COL11A1: variants seen among roughly 807,000 people sequenced by gnomAD.
COL11A1 encodes collagen type XI alpha 1 chain, also known as collagen alpha-1(XI) chain.
Under a neutral mutation model 265.2 loss-of-function variants are expected in COL11A1, and 74 were observed. The observed-to-expected ratio is 0.28, with a 90% CI of 0.23 to 0.34. The LOEUF (loss-of-function observed/expected upper bound fraction) is 0.34, where lower values mean the gene tolerates loss of function less well. Among genes scored for constraint, COL11A1 ranks in the 10% least tolerant of loss-of-function variants. COL11A1 has a pLI of 1.00. For synonymous variants in COL11A1, 816 were observed against 727.6 expected (o/e 1.12, Z -1.96); for missense variants, 2,165 against 2,263.6 (o/e 0.96, Z 0.88).
chr1:102,880,747 T>C (rs921451858), intron 65 of COL11A1, among the ~76,000 whole-genome samples: 1 of 152,058 alleles, frequency 6.6e-6, no homozygotes, highest in Non-Finnish European at 1.5e-5. Context: ...GTAAAGGCAG[T>C]TATTTGTTAC....
At chr1:102,976,369 G>A (rs1479032362) in intron 35 of COL11A1, among the ~76,000 whole-genome samples, 1 of 128,586 alleles carries the variant, frequency 7.8e-6, no homozygotes, top group Non-Finnish European at 1.6e-5. Context: ...CACGATCTTG[G>A]CTCACTGCAA....
At chr1:103,082,673 C>A (rs551441312) in intron 2 of COL11A1, 132 bp downstream of exon 2, 270 of 759,278 alleles carry the variant, frequency 3.6e-4, no homozygotes, top group Non-Finnish European at 4.4e-4. Context: ...TTGCATTTTA[C>A]CATATAATTG....
Position 102,914,340 on chromosome 1 carries a change from C to T in COL11A1, c.3978+12G>A, listed in dbSNP as rs930341408. 1.3e-6 allele frequency: 2 copies of T among 1,595,238 alleles called. No homozygotes were observed. The highest frequency in any genetic ancestry group is 1.7e-6 in the Non-Finnish European group (2 of 1,164,910). On this transcript the variant is annotated intron_variant, in intron 52 of 66. Transcript: ENST00000370096. ...CTCCAAAATAATTTCTTGATTTTTC[C>T]CTGATACTTACTGCAGGGCCAGGTT...
intron 28 of COL11A1, among the ~76,000 whole-genome samples, chr1:102,990,830 CGA>C (rs1444190162): frequency 6.6e-6 from 1 of 151,764 alleles, no homozygotes; most frequent in Admixed American, 6.6e-5. Context: ...GTAAGGAGTT[CGA>C]GACCAGCCTG....
rs781650764 is a variant in COL11A1 at position 102,978,869 on chromosome 1, A to G, written c.2700T>C (p.Pro900=). The change falls in exon 34 of 67, where the codon CCT becomes CCC. Residue 900 remains proline, a synonymous_variant. Coordinates refer to ENST00000370096, the MANE Select transcript of COL11A1 (RefSeq NM_001854.4). ...SRGARGPTGK[P]GPKGTSGGDG... is the part of the protein sequence containing the mutation. ...AAAGTACAGGTGATACCTTTGGCCCAGGTTTCCCAGTGGGACCTCTTGCAC... is the reference window on the plus strand; with the variant it reads ...AAAGTACAGGTGATACCTTTGGCCCGGGTTTCCCAGTGGGACCTCTTGCAC... 3.1e-6 allele frequency: 5 copies of G among 1,614,060 alleles called. No individual in the cohort carries two copies. In the Admixed American group the frequency reaches 8.3e-5, roughly 27 times the overall value.
intron 4 of COL11A1, among the ~76,000 whole-genome samples, chr1:103,068,710 G>T (rs533775121): frequency 3.3e-5 from 5 of 150,776 alleles, no homozygotes; most frequent in Non-Finnish European, 5.9e-5. Context: ...AAAAAACCCT[G>T]AACTAATAAA....
intron 4 of COL11A1, among the ~76,000 whole-genome samples, chr1:103,055,806 C>T (rs745791825): frequency 3.9e-5 from 6 of 152,202 alleles, no homozygotes; most frequent in Admixed American, 6.5e-5. Context: ...GAAAGCCAAA[C>T]GATTGGACAC....
chr1:102,999,387 G>A (rs904614273), intron 24 of COL11A1, among the ~76,000 whole-genome samples: 1 of 151,826 alleles, frequency 6.6e-6, no homozygotes, highest in Non-Finnish European at 1.5e-5. Flanking sequence ...TCCTATCCAC[G>A]TCTTCAAAGT....
intron 4 of COL11A1, among the ~76,000 whole-genome samples, chr1:103,073,026 C>T (rs549165837): frequency 6.6e-6 from 1 of 151,776 alleles, no homozygotes; most frequent in South Asian, 2.1e-4. Flanking sequence ...TTATTTAAAA[C>T]TTCATAGGGT....
At chr1:102,891,062 A>C (rs1047772831) in intron 57 of COL11A1, among the ~76,000 whole-genome samples, 1 of 152,056 alleles carries the variant, frequency 6.6e-6, no homozygotes, top group African/African-American at 2.4e-5. Context: ...GATAATTCCT[A>C]TATATACTAA....
intron 59 of COL11A1, 139 bp from the exon 60 acceptor site, chr1:102,889,058 T>A: frequency 1.3e-6 from 1 of 798,144 alleles, no homozygotes; most frequent in South Asian, 1.5e-5. Flanking sequence ...GGCTTAAACA[T>A]TTTTCCATGG....
chr1:103,018,591 G>C (rs551848086), intron 10 of COL11A1, among the ~76,000 whole-genome samples: 2 of 152,202 alleles, frequency 1.3e-5, no homozygotes, highest in African/African-American at 2.4e-5. Flanking sequence ...GAGTTTAGAA[G>C]ATGCAGAGGT....
At chr1:102,928,678 CG>C (rs1553206069) in intron 46 of COL11A1, among the ~76,000 whole-genome samples, 1 of 147,492 alleles carries the variant, frequency 6.8e-6, no homozygotes, top group Non-Finnish European at 1.5e-5. Flanking sequence ...ACACTGACTT[CG>C]ACAATGGTTG....
At chr1:102,960,982 T>C (rs1660853569) in intron 41 of COL11A1, among the ~76,000 whole-genome samples, 1 of 152,132 alleles carries the variant, frequency 6.6e-6, no homozygotes, top group African/African-American at 2.4e-5. Context: ...GGAAAGAGTC[T>C]GAACAAAATG....
chr1:102,989,654 CTGA>C, intron 28 of COL11A1, 83 bp from the exon 29 acceptor site: 1 of 986,380 alleles, frequency 1.0e-6, no homozygotes. Context: ...AATTTATGTG[CTGA>C]TAACGAGGGA....
In COL11A1 at chr1:103,049,981, A is replaced by T. The variant is rs192005028; in HGVS notation, c.652-18737T>A. 3.2e-3 allele frequency among the ~76,000 whole-genome samples: 492 copies of T among 152,284 alleles called. 4 individuals carry two copies. Among genetic ancestry groups the T allele is most frequent in the Non-Finnish European group, 4.3e-3 (290 of 68,020 alleles). On this transcript the variant is annotated intron_variant, in intron 4 of 66. Transcript: ENST00000370096. Reference sequence around the variant, plus strand: ...TGCCGAGAGATCAGCTGTTAATCTGATGGGCTTCCCTTTGTGGGTAACCCG... The same window carrying T: ...TGCCGAGAGATCAGCTGTTAATCTGTTGGGCTTCCCTTTGTGGGTAACCCG...
chr1:102,898,201 A>T, intron 56 of COL11A1, 23 bp from the exon 57 acceptor site: 1 of 1,200,960 alleles, frequency 8.3e-7, no homozygotes, highest in Non-Finnish European at 1.1e-6. Flanking sequence ...AAAATGATTG[A>T]TTTTTAAAAT....
chr1:102,945,247 A>T (rs199730108), intron 42 of COL11A1, among the ~76,000 whole-genome samples: 511 of 129,144 alleles, frequency 4.0e-3, no homozygotes, highest in Admixed American at 5.0e-3. Flanking sequence ...TTTTCTTTTT[A>T]CTCTCTCTCT....
rs747637758 is a variant in COL11A1 at position 102,961,959 on chromosome 1, G to T, written c.3115-40C>A. 55 of 1,563,268 alleles carry T rather than the reference G, an allele frequency of 3.5e-5. No homozygotes were observed. In the East Asian group the frequency reaches 1.2e-3, roughly 34 times the overall value. On this transcript the variant is annotated intron_variant, in intron 40 of 66. Transcript: ENST00000370096. Reference sequence around the variant, plus strand: ...AAAAATAAAGAAAATGAATCCATATGAATTGAATACCAATAGGAGGAGATA... The same window carrying T: ...AAAAATAAAGAAAATGAATCCATATTAATTGAATACCAATAGGAGGAGATA...
Sources: allele counts gnomAD v4.1 joint callset (sites outside exome capture counted in the v4.1 genomes callset), GRCh38; gene constraint gnomAD v4.1.1; transcripts MANE v1.5; gene names NCBI Gene and HGNC (gene_info 2026-07-23, HGNC 2026-07-21).